MUC15: variants seen among roughly 807,000 people sequenced by gnomAD.
MUC15 encodes the protein mucin-15.
A neutral mutation model predicts 24.0 loss-of-function variants in MUC15; 23 were observed. The observed-to-expected ratio is 0.96, with a 90% CI of 0.69 to 1.36. The LOEUF (loss-of-function observed/expected upper bound fraction) is 1.36, where lower values mean the gene tolerates loss of function less well. Ranked by LOEUF, MUC15 falls within the 40% of genes most tolerant of loss-of-function variation. The probability of loss-of-function intolerance (pLI) is 0.00; values close to 1 mark genes in which losing one functional copy is unlikely to be tolerated. For synonymous variants in MUC15, 151 were observed against 156.3 expected (o/e 0.97, Z 0.25); for missense variants, 442 against 428.2 (o/e 1.03, Z -0.29).
At chr11:26,564,722 C>CAT (rs1850464610) in intron 3 of MUC15, among the ~76,000 whole-genome samples, 1 of 66,996 alleles carries the variant, frequency 1.5e-5, no homozygotes, top group Non-Finnish European at 2.9e-5. Flanking sequence ...CACACACACA[C>CAT]ACACACACAC....
chr11:26,569,086 C>T (rs1022513898), intron 1 of MUC15, among the ~76,000 whole-genome samples: 5 of 151,344 alleles, frequency 3.3e-5, no homozygotes, highest in African/African-American at 1.2e-4. Context: ...GCTTTCATTA[C>T]CTGCCTGTAA....
intron 2 of MUC15, among the ~76,000 whole-genome samples, 177 bp downstream of exon 2, chr11:26,566,875 C>A (rs1023634858): frequency 1.3e-5 from 2 of 151,892 alleles, no homozygotes; most frequent in Non-Finnish European, 1.5e-5. Context: ...TAATTAACTT[C>A]AGAGTGTTGT....
At chr11:26,564,672 TATATATATACTC>T (rs1315126989) in intron 3 of MUC15, among the ~76,000 whole-genome samples, 3 of 133,140 alleles carry the variant, frequency 2.3e-5, no homozygotes, top group South Asian at 2.5e-4. Flanking sequence ...TAAAAACTCA[TATATATATACTC>T]ATATATATAC....
In MUC15 at chr11:26,563,395, CTGTGTGTGTGTGTGTGTG is replaced by C. The variant is rs71047867; in HGVS notation, c.776-148_776-131del. The C allele has an allele frequency of 9.3e-6, 5 of 539,998 alleles. No homozygotes were observed. In the East Asian group the frequency reaches 1.1e-4, roughly 12 times the overall value. 33.5% of individuals were successfully genotyped at this position (539,998 alleles called of 1,614,324 possible). On this transcript the variant is annotated intron_variant, in intron 3 of 4. Transcript: ENST00000529533. ...ATTAGATAATGGTGTGTTTCTCTCT[CTGTGTGTGTGTGTGTGTG>C]TGTGTGTGTGTGTGTGTGTCTTGTA... is the stretch of plus-strand genomic sequence containing the variant.
chr11:26,570,984 A>T (rs1019155451), intron 1 of MUC15, among the ~76,000 whole-genome samples: 4 of 152,118 alleles, frequency 2.6e-5, no homozygotes, highest in Non-Finnish European at 5.9e-5. Flanking sequence ...AGAAAGAAAA[A>T]ATAAAAAAGA....
At chr11:26,563,086 C>A in intron 4 of MUC15, 30 bp downstream of exon 4, 1 of 1,606,312 alleles carries the variant, frequency 6.2e-7, no homozygotes, top group Non-Finnish European at 8.5e-7. Context: ...AACCACTGTG[C>A]CCAGGTGAAG....
At chr11:26,563,747 A>T (rs1850397768) in intron 3 of MUC15, among the ~76,000 whole-genome samples, 1 of 151,870 alleles carries the variant, frequency 6.6e-6, no homozygotes. Flanking sequence ...CTACAAGGAA[A>T]AATCAGTGTA....
intron 3 of MUC15, among the ~76,000 whole-genome samples, chr11:26,564,042 C>A (rs1024841151): frequency 4.0e-5 from 6 of 151,618 alleles, no homozygotes; most frequent in Admixed American, 2.6e-4. Context: ...TATATAAAAT[C>A]TCATTTCTAA....
Position 26,565,593 on chromosome 11 carries a change from C to A in MUC15, c.347G>T (p.Ser116Ile). 7 of 1,613,276 alleles carry A rather than the reference C, an allele frequency of 4.3e-6. No individual in the cohort carries two copies. Among genetic ancestry groups the A allele is most frequent in the Non-Finnish European group, 5.9e-6 (7 of 1,179,532 alleles). Residue 116 changes from serine to isoleucine, a missense_variant, in exon 3 of 5, where the codon AGT (serine) becomes ATT (isoleucine). Transcript: ENST00000529533. Reference protein sequence around the residue: ...NNSHGITDFSSNSSAEHSLGS... With the variant: ...NNSHGITDFSINSSAEHSLGS... ...CAAAGAATGCTCTGCTGATGAGTTA[C>A]TGGAGAAATCTGTTATTCCGTGGCT...
intron 3 of MUC15, among the ~76,000 whole-genome samples, chr11:26,564,755 AT>A (rs1850488699): frequency 1.2e-5 from 1 of 86,180 alleles, no homozygotes; most frequent in Non-Finnish European, 2.2e-5. Flanking sequence ...ATATATATAT[AT>A]ATATATATAT....
intron 3 of MUC15, 115 bp from the exon 4 acceptor site, chr11:26,563,380 G>T: frequency 8.8e-6 from 9 of 1,024,654 alleles, no homozygotes; most frequent in Non-Finnish European, 1.1e-5. Context: ...ATTAGATAAT[G>T]GTGTGTTTCT....
chr11:26,561,069 A>T lies in MUC15; in HGVS notation c.1082T>A (p.Val361Glu). ...AACGCCTTTTTGCTGTTAGTTCTATACAGAAGTACGAAGTGGAGGTATGTC... is the reference window on the plus strand; with the variant it reads ...AACGCCTTTTTGCTGTTAGTTCTATTCAGAAGTACGAAGTGGAGGTATGTC... ...MDDIPPLRTS[V>E] The change falls in exon 5 of 5, where the codon GTA (valine) becomes GAA (glutamate). Residue 361 changes from valine to glutamate, a missense_variant. Val to Glu is a moderately radical substitution (Grantham distance 121, BLOSUM62 -2). Transcript: ENST00000529533. 6.2e-7 allele frequency: 1 copy of T among 1,609,870 alleles called. No homozygotes were observed. Among genetic ancestry groups the T allele is most frequent in the South Asian group, 1.1e-5 (1 of 90,512 alleles).
intron 1 of MUC15, among the ~76,000 whole-genome samples, chr11:26,570,087 G>A (rs1850760119): frequency 2.0e-5 from 3 of 152,068 alleles, no homozygotes; most frequent in African/African-American, 7.2e-5. Flanking sequence ...CAGTTCCTTT[G>A]TGATACCTTA....
At chr11:26,563,424 T>C (rs1299989756) in intron 3 of MUC15, among the ~76,000 whole-genome samples, 159 bp from the exon 4 acceptor site, 2 of 151,490 alleles carry the variant, frequency 1.3e-5, no homozygotes, top group Admixed American at 6.6e-5. Context: ...TGTGTGTGTG[T>C]GTGTGTGTCT....
intron 3 of MUC15, among the ~76,000 whole-genome samples, chr11:26,563,854 C>T (rs1354754498): frequency 2.0e-5 from 3 of 151,860 alleles, no homozygotes; most frequent in African/African-American, 4.8e-5. Context: ...CCTGAGCTTA[C>T]GGGAGTTCAA....
intron 4 of MUC15, among the ~76,000 whole-genome samples, chr11:26,562,852 A>T (rs1850347745): frequency 6.6e-6 from 1 of 151,896 alleles, no homozygotes. Flanking sequence ...AATTTTATAC[A>T]TATGTTTAGA....
rs749754013 is a variant in MUC15, at chr11:26,561,072, G to A, written c.1079C>T (p.Ser360Phe). Residue 360 changes from serine to phenylalanine, a missense_variant, in exon 5 of 5, where the codon TCT (serine) becomes TTT (phenylalanine). Ser to Phe is a radical substitution (Grantham distance 155). Coordinates refer to ENST00000529533, the MANE Select transcript of MUC15 (RefSeq NM_001135091.2). Reference protein sequence around the residue: ...PMDDIPPLRTSV With the variant: ...PMDDIPPLRTFV ...GCCTTTTTGCTGTTAGTTCTATACA[G>A]AAGTACGAAGTGGAGGTATGTCATC... 6.2e-6 allele frequency: 10 copies of A among 1,610,558 alleles called. No individual in the cohort carries two copies. Among genetic ancestry groups the A allele is most frequent in the Admixed American group, 1.7e-5 (1 of 59,658 alleles).
intron 3 of MUC15, among the ~76,000 whole-genome samples, chr11:26,564,722 CACACACACACATAT>C (rs1850464904): frequency 1.9e-4 from 13 of 66,964 alleles, no homozygotes; most frequent in Admixed American, 4.2e-4. Context: ...CACACACACA[CACACACACACATAT>C]ATATATATAT....
intron 1 of MUC15, among the ~76,000 whole-genome samples, chr11:26,571,397 T>C (rs1478093993): frequency 6.6e-6 from 1 of 152,134 alleles, no homozygotes; most frequent in East Asian, 1.9e-4. Flanking sequence ...TTTCATTTCA[T>C]AGGATGTTTT....
Sources: allele counts gnomAD v4.1 joint callset (sites outside exome capture counted in the v4.1 genomes callset), GRCh38; gene constraint gnomAD v4.1.1; transcripts MANE v1.5; gene names NCBI Gene and HGNC (gene_info 2026-07-23, HGNC 2026-07-21).